PIAS2: variants seen among roughly 807,000 people sequenced by gnomAD.
The protein encoded by PIAS2 is protein inhibitor of activated STAT 2.
Under a neutral mutation model 69.7 loss-of-function variants are expected in PIAS2, and 19 were observed. That is an observed-to-expected ratio of 0.27 (90% CI 0.19 to 0.40). The LOEUF is 0.40. Among genes scored for constraint, PIAS2 ranks in the 10% least tolerant of loss-of-function variants. PIAS2 has a pLI of 1.00. For synonymous variants in PIAS2, 261 were observed against 263.2 expected (o/e 0.99, Z 0.08); for missense variants, 624 against 757.0 (o/e 0.82, Z 2.06).
At chr18:46,850,304 T>C (rs918559171) in intron 5 of PIAS2, among the ~76,000 whole-genome samples, 6 of 152,148 alleles carry the variant, frequency 3.9e-5, no homozygotes, top group African/African-American at 1.2e-4. Context: ...AATTCAAAAC[T>C]AGAGCCCCAC....
At chr18:46,903,185 T>C (rs2056137441) in intron 1 of PIAS2, among the ~76,000 whole-genome samples, 1 of 152,014 alleles carries the variant, frequency 6.6e-6, no homozygotes, top group Admixed American at 6.5e-5. Flanking sequence ...GCAAGATCCA[T>C]AAAAGGAAAT....
chr18:46,846,896 T>G, intron 5 of PIAS2, 55 bp from the exon 6 acceptor site: 1 of 1,481,398 alleles, frequency 6.8e-7, no homozygotes, highest in Non-Finnish European at 9.0e-7. Context: ...AGATTAAACA[T>G]TTTCTCCAAG....
chr18:46,867,541 G>A (rs2049669615), intron 2 of PIAS2, among the ~76,000 whole-genome samples: 1 of 152,096 alleles, frequency 6.6e-6, no homozygotes, highest in Admixed American at 6.5e-5. Flanking sequence ...TACAATTTGG[G>A]AATCAGAAAA....
intron 5 of PIAS2, among the ~76,000 whole-genome samples, chr18:46,847,968 T>C (rs776842543): frequency 3.4e-4 from 52 of 152,200 alleles, no homozygotes; most frequent in African/African-American, 1.2e-3. Context: ...GATGCTAGGA[T>C]GTCAGTGATG....
chr18:46,885,333 A>G (rs1311742205), intron 2 of PIAS2, among the ~76,000 whole-genome samples: 1 of 152,044 alleles, frequency 6.6e-6, no homozygotes, highest in Non-Finnish European at 1.5e-5. Context: ...CCTGGCCAAC[A>G]TAGTGAAACC....
At chr18:46,878,870 AAAAAAC>A (rs1190554331) in intron 2 of PIAS2, among the ~76,000 whole-genome samples, 1 of 152,182 alleles carries the variant, frequency 6.6e-6, no homozygotes, top group Non-Finnish European at 1.5e-5. Context: ...CTCCGTCTAT[AAAAAAC>A]AAAAACAAAA....
chr18:46,818,347 T>C, intron 12 of PIAS2: 1 of 1,510,720 alleles, frequency 6.6e-7, no homozygotes, highest in Non-Finnish European at 8.9e-7. Flanking sequence ...TTCCACTCCA[T>C]AAATACAAAT....
upstream of PIAS2, chr18:46,917,688 C>T: frequency 2.2e-6 from 1 of 450,496 alleles, no homozygotes; most frequent in Non-Finnish European, 2.9e-6. Context: ...TCGTGCCTTC[C>T]CTCCCCGGCG....
chr18:46,881,316 C>T (rs1322660662), intron 2 of PIAS2, among the ~76,000 whole-genome samples: 1 of 151,966 alleles, frequency 6.6e-6, no homozygotes, highest in Non-Finnish European at 1.5e-5. Context: ...TGGGTGTGTA[C>T]CATTTTATTT....
At chr18:46,899,983 C>T (rs1414881420) in intron 1 of PIAS2, among the ~76,000 whole-genome samples, 1 of 152,112 alleles carries the variant, frequency 6.6e-6, no homozygotes, top group Non-Finnish European at 1.5e-5. Context: ...TGCAAGGGTG[C>T]ATTTTGGGAG....
At chr18:46,862,199 C>T (rs1253540081) in intron 3 of PIAS2, among the ~76,000 whole-genome samples, 1 of 152,080 alleles carries the variant, frequency 6.6e-6, no homozygotes, top group Admixed American at 6.5e-5. Flanking sequence ...GGTATGGCGG[C>T]ACCTGCCTGT....
chr18:46,808,194 G>T lies in PIAS2; in HGVS notation c.*4239C>A, dbSNP rs1218341775. 1 of 152,212 alleles carries T rather than the reference G, an allele frequency of 6.6e-6. No individual in the cohort carries two copies. The highest frequency in any genetic ancestry group is 2.4e-5 in the African/African-American group (1 of 41,464). 9.4% of individuals were successfully genotyped at this position (152,212 alleles called of 1,614,324 possible). On this transcript the variant is annotated 3_prime_UTR_variant, in exon 14 of 14. Transcript: ENST00000585916. ...CCAAGATATAAATTACACTGAGAAT[G>T]ATGAAACTAAGTAAAAATATGCAGA...
intron 11 of PIAS2, among the ~76,000 whole-genome samples, chr18:46,822,877 ACAGG>A (rs2144829096): frequency 6.6e-6 from 1 of 152,260 alleles, no homozygotes; most frequent in Non-Finnish European, 1.5e-5. Flanking sequence ...AAAAATGTTA[ACAGG>A]CAGGCTTTTG....
At chr18:46,832,283 C>T (rs770494077) in intron 9 of PIAS2, among the ~76,000 whole-genome samples, 39 of 151,906 alleles carry the variant, frequency 2.6e-4, no homozygotes, top group Non-Finnish European at 5.3e-4. Context: ...GGCGTGGTGG[C>T]GCACACCTGT....
rs1339167755 is a variant in PIAS2, at chr18:46,846,781, T to C, written c.787A>G (p.Ile263Val). Residue 263 changes from isoleucine (I) to valine (V), a missense_variant, in exon 6 of 14, where the codon ATT becomes GTT. Physicochemically the swap from Ile to Val is conservative, Grantham distance 29. Coordinates refer to ENST00000585916, the MANE Select transcript of PIAS2 (RefSeq NM_004671.5). ...EQKRPGRPLN[I>V]TSLVRLSSAV... ...GAAGATAACCTAACTAAAGATGTAA[T>C]ATTCAAGGGGCGTCCAGGGCGCTTC... is the stretch of plus-strand genomic sequence containing the variant. 1 of 1,613,100 alleles carries C rather than the reference T, an allele frequency of 6.2e-7. No individual in the cohort carries two copies. The highest frequency in any genetic ancestry group is 1.3e-5 in the African/African-American group (1 of 74,896).
intron 1 of PIAS2, among the ~76,000 whole-genome samples, chr18:46,914,394 G>A (rs1207638003): frequency 6.6e-6 from 1 of 152,072 alleles, no homozygotes; most frequent in Non-Finnish European, 1.5e-5. Context: ...TGGAAGAGAG[G>A]TGGGCTGGTA....
chr18:46,843,497 A>G (rs2045724258), intron 8 of PIAS2, among the ~76,000 whole-genome samples: 1 of 152,076 alleles, frequency 6.6e-6, no homozygotes, highest in African/African-American at 2.4e-5. Context: ...TTATTTTTCA[A>G]ACTCAATTAT....
chr18:46,917,221 G>C (rs2058069098), intron 1 of PIAS2, 101 bp downstream of exon 1: 2 of 1,356,340 alleles, frequency 1.5e-6, no homozygotes, highest in East Asian at 6.9e-5. Flanking sequence ...TCCGCCAACC[G>C]GCCCCAGAGG....
chr18:46,893,546 C>T (rs552739499), intron 1 of PIAS2: 6 of 617,438 alleles, frequency 9.7e-6, no homozygotes, highest in African/African-American at 2.0e-5. Context: ...TGTAAATAGA[C>T]AAACAAAAAG....
Sources: gnomAD v4.1 joint callset for allele counts (sites outside exome capture counted in the v4.1 genomes callset) on GRCh38, gnomAD v4.1.1 for gene constraint, MANE v1.5 for transcripts, NCBI Gene and HGNC (gene_info 2026-07-23, HGNC 2026-07-21) for gene names.